The following FAM234B variants were observed in gnomAD, a reference collection of about 807,000 sequenced individuals.
FAM234B encodes the protein family with sequence similarity 234 member B.
FAM234B carries 33 observed loss-of-function variants against 69.3 expected under a neutral mutation model. The observed-to-expected ratio is 0.48, with a 90% CI of 0.36 to 0.64. FAM234B has a LOEUF of 0.64. Ranked by LOEUF, FAM234B falls within the 30% of genes least tolerant of loss-of-function variation. The pLI is 0.00. For missense variants in FAM234B, 697 were observed against 769.7 expected, an observed-to-expected ratio of 0.91 and a Z score of 1.12; for synonymous variants, 306 against 306.9, an observed-to-expected ratio of 1.00 and a Z score of 0.03.
intron 5 of FAM234B, 57 bp from the exon 6 acceptor site, chr12:13,066,583 T>A: frequency 6.6e-7 from 1 of 1,521,336 alleles, no homozygotes; most frequent in Non-Finnish European, 8.8e-7. Flanking sequence ...GAGAAGCCAT[T>A]TCATTAGCAA....
At chr12:13,065,593 AT>A (rs1865027576) in intron 5 of FAM234B, among the ~76,000 whole-genome samples, 1 of 151,968 alleles carries the variant, frequency 6.6e-6, no homozygotes, top group Non-Finnish European at 1.5e-5. Flanking sequence ...AGACCAGTTT[AT>A]TTTTTTGTGG....
intron 1 of FAM234B, among the ~76,000 whole-genome samples, chr12:13,051,697 A>G (rs1864878648): frequency 6.6e-6 from 1 of 152,200 alleles, no homozygotes; most frequent in Non-Finnish European, 1.5e-5. Context: ...TTGTGTCCAG[A>G]GGAGAATGAC....
intron 9 of FAM234B, among the ~76,000 whole-genome samples, chr12:13,070,031 A>C (rs759676522): frequency 3.3e-5 from 5 of 152,008 alleles, no homozygotes; most frequent in Non-Finnish European, 5.9e-5. Context: ...TGACACCATT[A>C]CTTATTGGAG....
rs1190854212 is a variant in FAM234B at position 13,058,417 on chromosome 12, T to C, written c.434-34T>C. The C allele has an allele frequency of 4.4e-6, 7 of 1,579,148 alleles. No individual in the cohort carries two copies. In the African/African-American group the frequency reaches 8.1e-5, roughly 18 times the overall value. ...AGAGAACTGGTTTGTGGTAACTTGC[T>C]CAGGACCTTTTTGGTTTTTTATGTG... On this transcript the variant is annotated intron_variant, in intron 2 of 12. Coordinates refer to ENST00000197268, the MANE Select transcript of FAM234B (RefSeq NM_020853.2).
Position 13,055,564 on chromosome 12 carries a change from A to G in FAM234B, c.51A>G (p.Pro17=). 1 of 1,593,844 alleles carries G rather than the reference A, an allele frequency of 6.3e-7. No homozygotes were observed. Among genetic ancestry groups the G allele is most frequent in the Non-Finnish European group, 8.6e-7 (1 of 1,163,836 alleles). Residue 17 remains proline, a synonymous_variant, in exon 2 of 13, where the codon CCA becomes CCG. Transcript: ENST00000197268. ...RALKLPGKKS[P]DLGEYDPLTQ... ...CTGTATTTTCAGGGAAGAAGAGCCC[A>G]GACCTAGGGGAGTATGATCCACTTA...
In FAM234B at chr12:13,067,429, C is replaced by T; in HGVS notation, c.1142+133C>T. 1.1e-6 allele frequency: 1 copy of T among 917,602 alleles called. No individual in the cohort carries two copies. The highest frequency in any genetic ancestry group is 2.4e-5 in the Admixed American group (1 of 41,246). The allele number at this position is 917,602 out of a possible 1,614,324, so 56.8% of individuals were successfully genotyped here. On this transcript the variant is annotated intron_variant, in intron 7 of 12. Transcript: ENST00000197268. This position sits in a 1 kb window ranked among gnomAD's most constrained non-coding sequence, Gnocchi z 4.7. ...GGAAACAGTGCTTATCTTAATTTAC[C>T]ATCTTCTGATCTGGTTAACATGAGT...
chr12:13,070,197 AT>A lies in FAM234B; in HGVS notation c.1369-1043del, dbSNP rs1865089873. Among the ~76,000 whole-genome samples, 15 of 120,864 alleles carry A rather than the reference AT, an allele frequency of 1.2e-4. 1 individual carries two copies. The East Asian group carries it at 1.6e-3, about 13-fold the overall frequency. The allele number at this position is 120,864 out of a possible 152,430, so 79.3% of individuals were successfully genotyped here. On this transcript the variant is annotated intron_variant, in intron 9 of 12. Coordinates refer to ENST00000197268, the MANE Select transcript of FAM234B (RefSeq NM_020853.2). Reference sequence around the variant, plus strand: ...GATATATATATATATATATATATATATATATATATATATAAAATGAAATATG... The same window carrying A: ...GATATATATATATATATATATATATAATATATATATATAAAATGAAATATG...
In FAM234B at chr12:13,076,287, T is replaced by G. The variant is rs1865159831; in HGVS notation, c.1642+144T>G. 8.7e-6 allele frequency: 6 copies of G among 687,274 alleles called. No homozygotes were observed. The Admixed American group carries it at 1.3e-4, about 15-fold the overall frequency. The allele number at this position is 687,274 out of a possible 1,614,324, so 42.6% of individuals were successfully genotyped here. A position where few individuals can be genotyped will look rare whatever the true frequency, so the allele number is the denominator to read the frequency against. ...AGGGCACTTTCCCTGGTGTCCCTGG[T>G]GCCTCTTTGCTGGAATGCTCCCCTG... On this transcript the variant is annotated intron_variant, in intron 11 of 12. Transcript: ENST00000197268.
At chr12:13,063,288 G>C (rs1443713967) in intron 5 of FAM234B, among the ~76,000 whole-genome samples, 1 of 152,020 alleles carries the variant, frequency 6.6e-6, no homozygotes, top group Admixed American at 6.6e-5. Context: ...CCAAGCTCTG[G>C]TTTCTTCATA....
At chr12:13,070,661 A>G (rs1248723051) in intron 9 of FAM234B, among the ~76,000 whole-genome samples, 1 of 152,164 alleles carries the variant, frequency 6.6e-6, no homozygotes, top group Non-Finnish European at 1.5e-5. Context: ...CAGCTAAGCA[A>G]TGAATTCCCT....
chr12:13,058,556 G>T lies in FAM234B; in HGVS notation c.532+7G>T. The T allele has an allele frequency of 6.2e-7, 1 of 1,602,218 alleles. No individual in the cohort carries two copies. Among genetic ancestry groups the T allele is most frequent in the South Asian group, 1.1e-5 (1 of 90,638 alleles). On this transcript the variant is annotated splice_region_variant and intron_variant, in intron 3 of 12. Coordinates refer to ENST00000197268, the MANE Select transcript of FAM234B (RefSeq NM_020853.2). The stretch of plus-strand genomic sequence containing the variant: ...AGGAACGGGAGTGCAGTAGGTAAGA[G>T]ACGTGTTTTTTTCAAGGCTGCTACA...
At chr12:13,070,076 A>T (rs1359645337) in intron 9 of FAM234B, among the ~76,000 whole-genome samples, 3 of 151,640 alleles carry the variant, frequency 2.0e-5, no homozygotes, top group African/African-American at 7.3e-5. Context: ...GCCTAGCTGC[A>T]GTTTCTGCAT....
intron 3 of FAM234B, among the ~76,000 whole-genome samples, chr12:13,060,316 C>T (rs755826659): frequency 6.6e-6 from 1 of 152,200 alleles, no homozygotes; most frequent in Non-Finnish European, 1.5e-5. Flanking sequence ...TTCCTTCATT[C>T]AGCAACTGTG....
intron 5 of FAM234B, among the ~76,000 whole-genome samples, chr12:13,066,155 T>G (rs769296543): frequency 2.0e-5 from 3 of 152,214 alleles, no homozygotes; most frequent in Non-Finnish European, 2.9e-5. Flanking sequence ...ATATATACTA[T>G]TTGACCCTTC....
intron 5 of FAM234B, 103 bp from the exon 6 acceptor site, chr12:13,066,537 T>G: frequency 1.5e-6 from 2 of 1,297,804 alleles, no homozygotes; most frequent in Non-Finnish European, 2.1e-6. Context: ...GGAGTGTTTC[T>G]GAGCCCGTGG....
At chr12:13,057,451 C>T (rs1864942661) in intron 2 of FAM234B, among the ~76,000 whole-genome samples, 1 of 143,406 alleles carries the variant, frequency 7.0e-6, no homozygotes, top group Non-Finnish European at 1.5e-5. Flanking sequence ...AGTAATGCTT[C>T]CAGTCTTTTT....
At chr12:13,079,091 A>G (rs1470544235) in intron 11 of FAM234B, among the ~76,000 whole-genome samples, 1 of 152,194 alleles carries the variant, frequency 6.6e-6, no homozygotes, top group Non-Finnish European at 1.5e-5. Context: ...AGTCAATCCT[A>G]AGCCAAAAGA....
intron 1 of FAM234B, 32 bp from the exon 2 acceptor site, chr12:13,055,519 C>G: frequency 6.5e-7 from 1 of 1,549,762 alleles, no homozygotes; most frequent in Non-Finnish European, 8.8e-7. Context: ...CTCCCCAGTT[C>G]CCCTTGACTC....
intron 2 of FAM234B, among the ~76,000 whole-genome samples, chr12:13,057,662 G>A (rs1040831068): frequency 6.6e-6 from 1 of 152,214 alleles, no homozygotes; most frequent in African/African-American, 2.4e-5. Context: ...CACTAGCAAT[G>A]TGTGAATTCT....
Sources: allele counts gnomAD v4.1 joint callset (sites outside exome capture counted in the v4.1 genomes callset), GRCh38; gene constraint gnomAD v4.1.1; non-coding constraint Gnocchi (gnomAD v3.1); transcripts MANE v1.5; gene names NCBI Gene and HGNC (gene_info 2026-07-23, HGNC 2026-07-21).